MTMR7: variants seen among roughly 807,000 people sequenced by gnomAD.
MTMR7 encodes the protein myotubularin related protein 7, also known as phosphatidylinositol-3-phosphate phosphatase MTMR7.
MTMR7 carries 76 observed loss-of-function variants against 81.2 expected under a neutral mutation model. The observed-to-expected ratio is 0.94, with a 90% CI of 0.78 to 1.13. The LOEUF (loss-of-function observed/expected upper bound fraction) is 1.13. Among genes scored for constraint, MTMR7 ranks in the 50% most tolerant of loss-of-function variants. The probability of loss-of-function intolerance (pLI) is 0.00; values close to 1 mark genes in which losing one functional copy is unlikely to be tolerated. For missense variants in MTMR7, 1,044 were observed against 820.0 expected (o/e 1.27, Z -3.34); for synonymous variants, 372 against 289.8 (o/e 1.28, Z -2.88).
At chr8:17,380,979 C>T (rs1297785178) in intron 1 of MTMR7, among the ~76,000 whole-genome samples, 2 of 152,074 alleles carry the variant, frequency 1.3e-5, no homozygotes, top group East Asian at 1.9e-4. Flanking sequence ...TAGCAGACTT[C>T]GGGTATTCTC....
intron 1 of MTMR7, among the ~76,000 whole-genome samples, chr8:17,380,530 C>A (rs951520936): frequency 6.6e-6 from 1 of 151,412 alleles, no homozygotes; most frequent in African/African-American, 2.4e-5. Flanking sequence ...TGTATTGGGC[C>A]ATACCACACA....
At chr8:17,333,848 T>G (rs963189272) in intron 6 of MTMR7, among the ~76,000 whole-genome samples, 1 of 151,992 alleles carries the variant, frequency 6.6e-6, no homozygotes, top group African/African-American at 2.4e-5. Context: ...GACCCCATGT[T>G]ACTGATCATT....
At chr8:17,404,929 G>A (rs1323027663) in intron 1 of MTMR7, among the ~76,000 whole-genome samples, 1 of 152,138 alleles carries the variant, frequency 6.6e-6, no homozygotes, top group Non-Finnish European at 1.5e-5. Context: ...AGGTTTAAGT[G>A]ATTCTCCTGC....
chr8:17,360,861 C>T lies in MTMR7; in HGVS notation c.468+256G>A, dbSNP rs2073691. On this transcript the variant is annotated intron_variant, in intron 4 of 13. Transcript: ENST00000180173. ...CTGCCTGTCCACAAGGCCTGCCACC[C>T]GGCCTCTCTGGGTTTCAAGTTCTGC... Among the ~76,000 whole-genome samples the T allele has an allele frequency of 0.037, 5,638 of 152,152 alleles. 506 individuals carry two copies. Among genetic ancestry groups the T allele is most frequent in the East Asian group, 0.31 (1,589 of 5,140 alleles).
rs1816974857 is a variant in MTMR7 at position 17,299,718 on chromosome 8, G to C, written c.*144C>G. ...CAGTATCTAAGAAATCAAGAACTGG[G>C]CACTTTTTTCCCTTTTCATAGCTGC... On this transcript the variant is annotated 3_prime_UTR_variant, in exon 14 of 14. Transcript: ENST00000180173. 1 of 1,098,666 alleles carries C rather than the reference G, an allele frequency of 9.1e-7. No homozygotes were observed. Among genetic ancestry groups the C allele is most frequent in the Non-Finnish European group, 1.3e-6 (1 of 772,498 alleles). The allele number at this position is 1,098,666 out of a possible 1,614,324, so 68.1% of individuals were successfully genotyped here. A position where few individuals can be genotyped will look rare whatever the true frequency, so the allele number is the denominator to read the frequency against.
chr8:17,362,935 TTTC>T (rs1820101561), intron 3 of MTMR7, among the ~76,000 whole-genome samples: 1 of 152,166 alleles, frequency 6.6e-6, no homozygotes, highest in African/African-American at 2.4e-5. Context: ...AAGCACCAGA[TTTC>T]TTCATTTTTC....
intron 1 of MTMR7, among the ~76,000 whole-genome samples, chr8:17,382,293 G>T (rs559710110): frequency 1.3e-5 from 2 of 152,198 alleles, no homozygotes; most frequent in Non-Finnish European, 2.9e-5. Context: ...AAGCCCACCA[G>T]CCTGGAGGAA....
At chr8:17,354,367 A>G (rs1819822923) in intron 4 of MTMR7, among the ~76,000 whole-genome samples, 1 of 152,208 alleles carries the variant, frequency 6.6e-6, no homozygotes, top group Admixed American at 6.5e-5. Context: ...TTTTATTCCA[A>G]GAGAGTTAGA....
chr8:17,390,582 C>T (rs183697445), intron 1 of MTMR7, among the ~76,000 whole-genome samples: 57 of 152,250 alleles, frequency 3.7e-4, no homozygotes, highest in Middle Eastern at 3.4e-3. Flanking sequence ...CAGCAGGATA[C>T]TGTATTAGTC....
At chr8:17,379,651 T>C (rs1820699747) in intron 1 of MTMR7, among the ~76,000 whole-genome samples, 1 of 152,168 alleles carries the variant, frequency 6.6e-6, no homozygotes, top group Admixed American at 6.5e-5. Context: ...ACTTATTTAC[T>C]TAATGTTTAA....
intron 1 of MTMR7, among the ~76,000 whole-genome samples, chr8:17,373,610 C>T (rs1820486753): frequency 6.6e-6 from 1 of 152,142 alleles, no homozygotes; most frequent in Admixed American, 6.5e-5. Flanking sequence ...CACTATGTAT[C>T]AATTACATTC....
At chr8:17,401,911 A>G (rs1821439934) in intron 1 of MTMR7, among the ~76,000 whole-genome samples, 1 of 152,184 alleles carries the variant, frequency 6.6e-6, no homozygotes, top group African/African-American at 2.4e-5. Context: ...CATATTATGG[A>G]TCTTATGGAT....
intron 1 of MTMR7, among the ~76,000 whole-genome samples, chr8:17,411,690 C>A (rs76407634): frequency 0.013 from 1,935 of 152,292 alleles, 49 homozygotes; most frequent in African/African-American, 0.044. Context: ...AAGTACTGCA[C>A]TGCTTAGAGG....
chr8:17,341,562 G>A (rs1171021373), intron 5 of MTMR7, 65 bp from the exon 6 acceptor site: 29 of 1,567,582 alleles, frequency 1.8e-5, no homozygotes, highest in Middle Eastern at 1.9e-4. Flanking sequence ...GACACTCTAC[G>A]TGTGTCTCCA....
intron 1 of MTMR7, among the ~76,000 whole-genome samples, chr8:17,400,598 C>T (rs961391045): frequency 6.6e-6 from 1 of 152,094 alleles, no homozygotes; most frequent in South Asian, 2.1e-4. Context: ...CTTGTCGTTG[C>T]AATTTGATTT....
At position 17,361,254 on chromosome 8, in the gene MTMR7, A is replaced by T. The variant is rs200866221; in HGVS notation, c.331T>A (p.Cys111Ser). Reference sequence around the variant, plus strand: ...TCCAGCATGGGGTTGAATGAAAAGCAGTATAACTCCTCATATTTCACTGCA... The same window carrying T: ...TCCAGCATGGGGTTGAATGAAAAGCTGTATAACTCCTCATATTTCACTGCA... ...ARPVKYEELY[C>S]FSFNPMLDKE... Residue 111 changes from cysteine (C) to serine (S), a missense_variant, in exon 4 of 14, where the codon TGC becomes AGC. Physicochemically the swap from Cys to Ser is moderately radical, Grantham distance 112. Coordinates refer to ENST00000180173, the MANE Select transcript of MTMR7 (RefSeq NM_004686.5). The T allele has an allele frequency of 6.8e-6, 11 of 1,614,210 alleles. No homozygotes were observed. The highest frequency in any genetic ancestry group is 9.3e-6 in the Non-Finnish European group (11 of 1,180,028).
At chr8:17,344,815 A>G (rs988877309) in intron 5 of MTMR7, among the ~76,000 whole-genome samples, 1 of 152,188 alleles carries the variant, frequency 6.6e-6, no homozygotes, top group Non-Finnish European at 1.5e-5. Context: ...AGGAAGTTTC[A>G]ATAAGTATTC....
intron 7 of MTMR7, among the ~76,000 whole-genome samples, chr8:17,318,825 C>A (rs1443095833): frequency 6.6e-6 from 1 of 152,196 alleles, no homozygotes; most frequent in Non-Finnish European, 1.5e-5. Flanking sequence ...GAAGCAGCCT[C>A]CACAGGCATC....
intron 1 of MTMR7, among the ~76,000 whole-genome samples, chr8:17,392,606 C>A (rs1451638571): frequency 6.6e-6 from 1 of 152,232 alleles, no homozygotes; most frequent in Non-Finnish European, 1.5e-5. Flanking sequence ...TAGGCCACTG[C>A]AGAGGCTTCC....
Sources: allele counts gnomAD v4.1 joint callset (sites outside exome capture counted in the v4.1 genomes callset), GRCh38; gene constraint gnomAD v4.1.1; transcripts MANE v1.5; gene names NCBI Gene and HGNC (gene_info 2026-07-23, HGNC 2026-07-21).